Variants in SLC35F2 observed in about 807,000 individuals in gnomAD.
The protein encoded by SLC35F2 is solute carrier family 35 member F2.
A neutral mutation model predicts 38.1 loss-of-function variants in SLC35F2; 25 were observed. The observed-to-expected ratio is 0.66, with a 90% CI of 0.48 to 0.92. SLC35F2 has a LOEUF of 0.92. SLC35F2 is among the 40% of genes least tolerant of loss of function. The probability of loss-of-function intolerance (pLI) is 0.00; values close to 1 mark genes in which losing one functional copy is unlikely to be tolerated. For missense variants in SLC35F2, 409 were observed against 452.9 expected, an observed-to-expected ratio of 0.90 and a Z score of 0.88; for synonymous variants, 173 against 181.7, an observed-to-expected ratio of 0.95 and a Z score of 0.38.
chr11:107,801,137 C>T (rs1859302348), intron 7 of SLC35F2, among the ~76,000 whole-genome samples: 1 of 152,144 alleles, frequency 6.6e-6, no homozygotes, highest in Admixed American at 6.5e-5. Flanking sequence ...GAACCCTTGA[C>T]TTCAGGTGAT....
At chr11:107,845,507 T>G (rs1860092069) in intron 1 of SLC35F2, among the ~76,000 whole-genome samples, 1 of 151,956 alleles carries the variant, frequency 6.6e-6, no homozygotes, top group Non-Finnish European at 1.5e-5. Context: ...GGTGACAAAG[T>G]GAGACCCCAT....
intron 1 of SLC35F2, among the ~76,000 whole-genome samples, chr11:107,848,604 G>A (rs909344853): frequency 8.5e-5 from 13 of 152,198 alleles, no homozygotes; most frequent in Admixed American, 8.5e-4. Context: ...ATGAACCAAA[G>A]GACACCAAAC....
At chr11:107,853,769 A>AGCACT (rs1272799859) in intron 1 of SLC35F2, among the ~76,000 whole-genome samples, 2 of 151,066 alleles carry the variant, frequency 1.3e-5, no homozygotes, top group Non-Finnish European at 2.9e-5. Context: ...AACCATGTCC[A>AGCACT]GCACTCTGCT....
At chr11:107,809,940 A>G in intron 3 of SLC35F2, 1 of 985,412 alleles carries the variant, frequency 1.0e-6, no homozygotes, top group Admixed American at 6.1e-5. Context: ...ATGTGGCAGT[A>G]AAGTGGGAAG....
chr11:107,809,992 GAACT>G (rs2134783248), intron 3 of SLC35F2: 1 of 985,336 alleles, frequency 1.0e-6, no homozygotes, highest in African/African-American at 1.7e-5. Flanking sequence ...ATCTTCACGT[GAACT>G]ATCCCATGAC....
chr11:107,816,013 C>T lies in SLC35F2; in HGVS notation c.111-48G>A, dbSNP rs747269796. The stretch of plus-strand genomic sequence containing the variant: ...AGAACAGCATGCAAATAAGTTATAC[C>T]TTACACACACACACACACACACACA... On this transcript the variant is annotated intron_variant, in intron 1 of 7. Coordinates refer to ENST00000525815, the MANE Select transcript of SLC35F2 (RefSeq NM_017515.5). The T allele has an allele frequency of 1.0e-5, 15 of 1,432,866 alleles. No individual in the cohort carries two copies. The South Asian group carries it at 2.0e-4, about 19-fold the overall frequency. The allele number at this position is 1,432,866 out of a possible 1,614,324, so 88.8% of individuals were successfully genotyped here. A position where few individuals can be genotyped will look rare whatever the true frequency, so the allele number is the denominator to read the frequency against.
At chr11:107,794,117 G>A (rs1449488864) in intron 7 of SLC35F2, among the ~76,000 whole-genome samples, 1 of 133,032 alleles carries the variant, frequency 7.5e-6, no homozygotes, top group African/African-American at 2.9e-5. Flanking sequence ...GTTTTGCTCT[G>A]TCTCCCAGGC....
In SLC35F2 at chr11:107,792,527, C is replaced by G; in HGVS notation, c.*88G>C. 1 of 1,448,094 alleles carries G rather than the reference C, an allele frequency of 6.9e-7. No individual in the cohort carries two copies. Among genetic ancestry groups the G allele is most frequent in the South Asian group, 1.4e-5 (1 of 69,628 alleles). The allele number at this position is 1,448,094 out of a possible 1,614,324, so 89.7% of individuals were successfully genotyped here. ...AACCCAGGGTTGTAGAGTGTCCATTCTGAGTCTGCTATTTCCCCAAGTGTC... is the reference window on the plus strand; with the variant it reads ...AACCCAGGGTTGTAGAGTGTCCATTGTGAGTCTGCTATTTCCCCAAGTGTC... On this transcript the variant is annotated 3_prime_UTR_variant, in exon 8 of 8. Transcript: ENST00000525815.
At chr11:107,801,414 T>C (rs984164423) in intron 7 of SLC35F2, among the ~76,000 whole-genome samples, 4 of 151,532 alleles carry the variant, frequency 2.6e-5, no homozygotes, top group Admixed American at 2.0e-4. Context: ...GAAATTCTTC[T>C]CACTATTTTT....
In SLC35F2 at chr11:107,858,341, A is replaced by G. The variant is rs114051306; in HGVS notation, c.110+317T>C. Among the ~76,000 whole-genome samples the G allele has an allele frequency of 4.2e-3, 636 of 151,998 alleles. 1 individual carries two copies. Among genetic ancestry groups the G allele is most frequent in the African/African-American group, 0.015 (621 of 41,478 alleles). ...CTCCTCCTTCACAGCATCCCCGGGG[A>G]CCTCGTCCCTCCACCGCGGAACGCC... On this transcript the variant is annotated intron_variant, in intron 1 of 7. Transcript: ENST00000525815.
chr11:107,832,802 G>A (rs1344855819), intron 1 of SLC35F2, among the ~76,000 whole-genome samples: 3 of 152,298 alleles, frequency 2.0e-5, no homozygotes, highest in East Asian at 3.9e-4. Context: ...GTGAGACCCT[G>A]TCTCAAAAAC....
chr11:107,830,590 A>G (rs1391126323), intron 1 of SLC35F2, among the ~76,000 whole-genome samples: 1 of 151,424 alleles, frequency 6.6e-6, no homozygotes, highest in Non-Finnish European at 1.5e-5. Context: ...TCTCAAAAAA[A>G]AAAAAAAAAG....
At chr11:107,854,904 T>C (rs1227718383) in intron 1 of SLC35F2, among the ~76,000 whole-genome samples, 1 of 152,192 alleles carries the variant, frequency 6.6e-6, no homozygotes, top group African/African-American at 2.4e-5. Context: ...TAACACATCA[T>C]ATCCATTCAC....
intron 6 of SLC35F2, among the ~76,000 whole-genome samples, chr11:107,804,367 G>A (rs1447557297): frequency 1.3e-5 from 2 of 152,106 alleles, no homozygotes; most frequent in African/African-American, 4.8e-5. Flanking sequence ...GATGATTCAG[G>A]TTAATGCTTC....
At chr11:107,806,336 C>T (rs1056864180) in intron 4 of SLC35F2, among the ~76,000 whole-genome samples, 1 of 152,214 alleles carries the variant, frequency 6.6e-6, no homozygotes, top group Admixed American at 6.5e-5. Flanking sequence ...ACTTAACTCA[C>T]TTGTAGACTG....
At chr11:107,848,053 G>A (rs886964004) in intron 1 of SLC35F2, among the ~76,000 whole-genome samples, 4 of 152,154 alleles carry the variant, frequency 2.6e-5, no homozygotes, top group African/African-American at 7.2e-5. Flanking sequence ...GGCTGGGGAG[G>A]GGGAGTGCAG....
chr11:107,847,677 C>T (rs1860119543), intron 1 of SLC35F2, among the ~76,000 whole-genome samples: 1 of 152,124 alleles, frequency 6.6e-6, no homozygotes, highest in Non-Finnish European at 1.5e-5. Context: ...GGAACAGGTA[C>T]ACAGAGGGGC....
At chr11:107,831,055 T>G (rs1258270338) in intron 1 of SLC35F2, among the ~76,000 whole-genome samples, 1 of 152,172 alleles carries the variant, frequency 6.6e-6, no homozygotes, top group African/African-American at 2.4e-5. Context: ...CAGTGTCATA[T>G]TCCTCTTTGT....
chr11:107,806,642 T>C (rs1209254712), intron 4 of SLC35F2, 75 bp downstream of exon 4: 1 of 1,388,628 alleles, frequency 7.2e-7, no homozygotes, highest in African/African-American at 1.5e-5. Context: ...GTAAACAAGT[T>C]TCTTTGTTGA....
Sources: allele counts gnomAD v4.1 joint callset (sites outside exome capture counted in the v4.1 genomes callset), GRCh38; gene constraint gnomAD v4.1.1; transcripts MANE v1.5; gene names NCBI Gene and HGNC (gene_info 2026-07-23, HGNC 2026-07-21).